BBX: variants seen among roughly 807,000 people sequenced by gnomAD.
The protein encoded by BBX is BBX high mobility group box domain containing, also known as HMG box transcription factor BBX.
Under a neutral mutation model 100.2 loss-of-function variants are expected in BBX, and 30 were observed. The ratio of observed to expected loss-of-function variants is 0.30; its 90% CI spans 0.22 to 0.41. BBX has a LOEUF of 0.41. Among genes scored for constraint, BBX ranks in the 10% least tolerant of loss-of-function variants. The pLI is 1.00. For synonymous variants in BBX, 376 were observed against 388.1 expected (o/e 0.97, Z 0.37); for missense variants, 1,023 against 1,129.8 (o/e 0.91, Z 1.35).
chr3:107,620,489 CTG>C (rs769805886), intron 2 of BBX, among the ~76,000 whole-genome samples: 4 of 152,168 alleles, frequency 2.6e-5, no homozygotes, highest in Non-Finnish European at 5.9e-5. Context: ...TGTTGTGAGA[CTG>C]TGGATTTTAC....
Position 107,664,028 on chromosome 3 carries a change from A to G in BBX, c.-10+18119A>G, listed in dbSNP as rs543233357. 1.1e-4 allele frequency among the ~76,000 whole-genome samples: 16 copies of G among 152,140 alleles called. No homozygotes were observed. The East Asian group carries it at 3.1e-3, about 29-fold the overall frequency. On this transcript the variant is annotated intron_variant, in intron 3 of 17. Transcript: ENST00000325805. Reference sequence around the variant, plus strand: ...CACCGTGTTAGCCAGGATGGTCTCGATCTCCTGACCTTGTGATCCACCGGC... The same window carrying G: ...CACCGTGTTAGCCAGGATGGTCTCGGTCTCCTGACCTTGTGATCCACCGGC...
intron 5 of BBX, among the ~76,000 whole-genome samples, chr3:107,721,958 A>G (rs1009645704): frequency 6.6e-6 from 1 of 151,974 alleles, no homozygotes; most frequent in Non-Finnish European, 1.5e-5. Flanking sequence ...TCTGTTTCAT[A>G]CTTCTCTATC....
At chr3:107,637,846 T>C (rs955408763) in intron 2 of BBX, among the ~76,000 whole-genome samples, 11 of 152,106 alleles carry the variant, frequency 7.2e-5, no homozygotes, top group Non-Finnish European at 1.3e-4. Flanking sequence ...TAAGGAAAGT[T>C]TCTTGGATTC....
intron 2 of BBX, among the ~76,000 whole-genome samples, chr3:107,602,519 T>C (rs980064252): frequency 6.6e-6 from 1 of 152,152 alleles, no homozygotes; most frequent in Non-Finnish European, 1.5e-5. Flanking sequence ...TTTGAGATCA[T>C]CAGCCTGGGC....
chr3:107,594,416 C>T (rs1483085426), intron 2 of BBX, among the ~76,000 whole-genome samples: 2 of 152,138 alleles, frequency 1.3e-5, no homozygotes, highest in Non-Finnish European at 2.9e-5. Flanking sequence ...GCTTCATAGA[C>T]CTAGCCGCCC....
At chr3:107,535,807 C>T (rs114916042) in intron 2 of BBX, among the ~76,000 whole-genome samples, 285 of 152,280 alleles carry the variant, frequency 1.9e-3, no homozygotes, top group Non-Finnish European at 3.2e-3. Flanking sequence ...CCATGTTGGC[C>T]AGGCAGGTCT....
chr3:107,649,860 A>G (rs748584508), intron 3 of BBX, among the ~76,000 whole-genome samples: 5 of 152,200 alleles, frequency 3.3e-5, no homozygotes, highest in Non-Finnish European at 7.3e-5. Context: ...GCTTCTTGCC[A>G]CTGGGAATTT....
At chr3:107,777,968 A>G (rs995478937) in intron 12 of BBX, among the ~76,000 whole-genome samples, 5 of 152,118 alleles carry the variant, frequency 3.3e-5, no homozygotes, top group African/African-American at 9.7e-5. Context: ...ATTGATACCA[A>G]TATATCATAT....
intron 3 of BBX, among the ~76,000 whole-genome samples, chr3:107,693,521 T>G (rs1253450765): frequency 1.3e-5 from 2 of 151,416 alleles, no homozygotes; most frequent in African/African-American, 4.9e-5. Context: ...ATATGCGGCG[T>G]TATTTCTGAG....
intron 2 of BBX, among the ~76,000 whole-genome samples, chr3:107,597,006 T>G (rs1448943146): frequency 6.6e-6 from 1 of 152,234 alleles, no homozygotes; most frequent in Non-Finnish European, 1.5e-5. Flanking sequence ...AAAAGAATTT[T>G]GAAAACTATG....
intron 2 of BBX, among the ~76,000 whole-genome samples, chr3:107,628,397 A>G (rs1489991008): frequency 6.6e-6 from 1 of 152,000 alleles, no homozygotes; most frequent in Non-Finnish European, 1.5e-5. Flanking sequence ...AAAAAAAAAC[A>G]TATTACCCAA....
At chr3:107,551,019 A>G (rs1182917425) in intron 2 of BBX, among the ~76,000 whole-genome samples, 1 of 152,180 alleles carries the variant, frequency 6.6e-6, no homozygotes, top group Non-Finnish European at 1.5e-5. Flanking sequence ...ACTTTTTTGG[A>G]GAGTTTAGCG....
intron 2 of BBX, among the ~76,000 whole-genome samples, chr3:107,544,292 C>T (rs2049058789): frequency 6.6e-6 from 1 of 152,118 alleles, no homozygotes. Flanking sequence ...GGAAAATTGT[C>T]ATAATAGATT....
At chr3:107,733,821 A>G (rs555598284) in intron 7 of BBX, among the ~76,000 whole-genome samples, 58 of 152,292 alleles carry the variant, frequency 3.8e-4, no homozygotes, top group East Asian at 2.7e-3. Context: ...CCTTGGTTTC[A>G]TGATCTAGTT....
intron 2 of BBX, among the ~76,000 whole-genome samples, chr3:107,595,002 C>T (rs569105134): frequency 1.3e-5 from 2 of 152,318 alleles, no homozygotes; most frequent in African/African-American, 2.4e-5. Context: ...CTTTAAAACA[C>T]GATGTCCCAC....
chr3:107,686,094 C>T (rs2059830008), intron 3 of BBX, among the ~76,000 whole-genome samples: 1 of 152,140 alleles, frequency 6.6e-6, no homozygotes, highest in African/African-American at 2.4e-5. Flanking sequence ...AAAAACAATA[C>T]TGTACTCATT....
chr3:107,535,274 C>T (rs2048410935), intron 2 of BBX, among the ~76,000 whole-genome samples: 1 of 152,102 alleles, frequency 6.6e-6, no homozygotes, highest in Non-Finnish European at 1.5e-5. Context: ...GAGAGGTCTT[C>T]ATTTTCAAGT....
At chr3:107,568,550 C>T (rs558926026) in intron 2 of BBX, among the ~76,000 whole-genome samples, 5 of 152,274 alleles carry the variant, frequency 3.3e-5, no homozygotes, top group African/African-American at 1.2e-4. Context: ...TGAGCCACTG[C>T]GCCCGACCAT....
At chr3:107,581,995 C>T in intron 2 of BBX, among the ~76,000 whole-genome samples, 1 of 151,824 alleles carries the variant, frequency 6.6e-6, no homozygotes, top group Middle Eastern at 3.4e-3. Flanking sequence ...TATATATGAG[C>T]CAAGGTATTT....
Sources: allele counts gnomAD v4.1 joint callset (sites outside exome capture counted in the v4.1 genomes callset), GRCh38; gene constraint gnomAD v4.1.1; transcripts MANE v1.5; gene names NCBI Gene and HGNC (gene_info 2026-07-23, HGNC 2026-07-21).